TEDC1: variants seen among roughly 807,000 people sequenced by gnomAD.
TEDC1 encodes the protein tubulin epsilon and delta complex protein 1.
In TEDC1, 54 loss-of-function variants were observed where a neutral mutation model predicts 59.9. The ratio of observed to expected loss-of-function variants is 0.90; its 90% CI spans 0.72 to 1.13. TEDC1 has a LOEUF of 1.13. TEDC1 is among the 50% of genes most tolerant of loss of function. The pLI, the probability that TEDC1 is intolerant of heterozygous loss-of-function variation, is 0.00. For synonymous variants in TEDC1, 353 were observed against 298.1 expected, an observed-to-expected ratio of 1.18 and a Z score of -1.90; for missense variants, 734 against 683.4, an observed-to-expected ratio of 1.07 and a Z score of -0.83.
upstream of TEDC1, chr14:105,491,222 C>T: frequency 6.5e-7 from 1 of 1,542,340 alleles, no homozygotes; most frequent in Middle Eastern, 1.7e-4. Flanking sequence ...GGCGCTGGAC[C>T]CGGCCCGTGC....
chr14:105,493,645 G>A (rs1291489573), intron 4 of TEDC1, among the ~76,000 whole-genome samples, 190 bp from the exon 5 acceptor site: 3 of 152,156 alleles, frequency 2.0e-5, no homozygotes. Context: ...GGAGACCCCA[G>A]CGGTGCTGAT....
Position 105,498,546 on chromosome 14 carries a change from C to T in TEDC1, c.1159-71C>T, listed in dbSNP as rs1470183766. On this transcript the variant is annotated intron_variant, in intron 8 of 8. Coordinates refer to ENST00000392523, the MANE Select transcript of TEDC1 (RefSeq NM_001367178.1). ...CAGCGCCTGCACCTGAGTCTGGGCT[C>T]AGGGAATGCTCAGGGAGCCTGAGGC... 5 of 1,443,168 alleles carry T rather than the reference C, an allele frequency of 3.5e-6. No individual in the cohort carries two copies. The East Asian group carries it at 1.3e-4, about 36-fold the overall frequency. 89.4% of individuals were successfully genotyped at this position (1,443,168 alleles called of 1,614,324 possible). A position where few individuals can be genotyped will look rare whatever the true frequency, so the allele number is the denominator to read the frequency against.
chr14:105,492,027 C>T (rs900142459), intron 2 of TEDC1, 80 bp from the exon 3 acceptor site: 2 of 1,407,688 alleles, frequency 1.4e-6, no homozygotes, highest in African/African-American at 2.8e-5. Context: ...CTCAAGTGAC[C>T]TGTGGGGGTC....
rs2084337954 is a variant in TEDC1, at chr14:105,496,057, G to C, written c.862G>C (p.Ala288Pro). The C allele has an allele frequency of 6.5e-7, 1 of 1,533,466 alleles. No individual in the cohort carries two copies. Among genetic ancestry groups the C allele is most frequent in the South Asian group, 1.2e-5 (1 of 83,828 alleles). The allele number at this position is 1,533,466 out of a possible 1,614,324, so 95.0% of individuals were successfully genotyped here. The change falls in exon 6 of 9, where the codon GCC becomes CCC. Residue 288 changes from alanine to proline, a missense_variant. By Grantham distance (27) the Ala-to-Pro change is conservative. Coordinates refer to ENST00000392523, the MANE Select transcript of TEDC1 (RefSeq NM_001367178.1). The part of the protein sequence containing the change: ...AAPLDPGGAS[A>P]CSLLSPFRAL... Reference sequence around the variant, plus strand: ...ACCCTTGGATCCTGGTGGGGCCTCAGCCTGCAGCCTGCTCTCCCCTTTTAG... The same window carrying C: ...ACCCTTGGATCCTGGTGGGGCCTCACCCTGCAGCCTGCTCTCCCCTTTTAG...
At chr14:105,493,189 A>G (rs897597348) in intron 4 of TEDC1, among the ~76,000 whole-genome samples, 43 of 152,014 alleles carry the variant, frequency 2.8e-4, no homozygotes, top group Admixed American at 2.3e-3. Flanking sequence ...TCAGGGGCAC[A>G]GGTACCCAGT....
chr14:105,493,217 G>A (rs1352976403), intron 4 of TEDC1, among the ~76,000 whole-genome samples: 7 of 152,110 alleles, frequency 4.6e-5, no homozygotes, highest in South Asian at 2.1e-4. Context: ...CCACTGTGAG[G>A]CCAGCGCTGA....
intron 6 of TEDC1, 41 bp downstream of exon 6, chr14:105,496,127 C>CT: frequency 3.6e-5 from 1 of 27,424 alleles, no homozygotes; most frequent in East Asian, 7.5e-4. Context: ...GACCGCAGGA[C>CT]TTGGGGGTGG....
chr14:105,491,822 G>T lies in TEDC1; in HGVS notation c.226+122G>T, dbSNP rs1217465617. 12 of 1,123,212 alleles carry T rather than the reference G, an allele frequency of 1.1e-5. No homozygotes were observed. The Admixed American group carries it at 2.1e-4, about 19-fold the overall frequency. 69.6% of individuals were successfully genotyped at this position (1,123,212 alleles called of 1,614,324 possible). ...CTAGCCCCCACCCAACACTGACCCC[G>T]CTTGCTCCTCAAAACTCCGCCTTCC... On this transcript the variant is annotated intron_variant, in intron 2 of 8. Transcript: ENST00000392523.
At position 105,491,468 on chromosome 14, in the gene TEDC1, C is replaced by T; in HGVS notation, c.93C>T (p.Pro31=). The T allele has an allele frequency of 6.8e-7, 1 of 1,476,378 alleles. No homozygotes were observed. The highest frequency in any genetic ancestry group is 9.0e-7 in the Non-Finnish European group (1 of 1,115,384). The allele number at this position is 1,476,378 out of a possible 1,614,324, so 91.5% of individuals were successfully genotyped here. Residue 31 remains proline (P), a synonymous_variant, in exon 1 of 9, where the codon CCC becomes CCT. Transcript: ENST00000392523. The part of the protein sequence containing the change: ...EAIAALSRSL[P]SGPSPEIFRR... The stretch of plus-strand genomic sequence containing the variant: ...TCGCCGCGTTGAGTCGGTCGCTGCC[C>T]TCGGGACCCAGCCCCGAGATCTTCC...
chr14:105,499,045 T>A lies in TEDC1; in HGVS notation c.*99T>A. Reference sequence around the variant, plus strand: ...CAAGGCCAGGTGGCCGCAGGGACGATGCAGATGCAGAGCCCACGTCACATG... The same window carrying A: ...CAAGGCCAGGTGGCCGCAGGGACGAAGCAGATGCAGAGCCCACGTCACATG... On this transcript the variant is annotated 3_prime_UTR_variant, in exon 9 of 9. Transcript: ENST00000392523. 1 of 1,277,066 alleles carries A rather than the reference T, an allele frequency of 7.8e-7. No homozygotes were observed. The highest frequency in any genetic ancestry group is 1.1e-6 in the Non-Finnish European group (1 of 943,122). 79.1% of individuals were successfully genotyped at this position (1,277,066 alleles called of 1,614,324 possible).
At chr14:105,495,655 C>T in intron 5 of TEDC1, 1 of 556,944 alleles carries the variant, frequency 1.8e-6, no homozygotes, top group Non-Finnish European at 3.2e-6. Flanking sequence ...TCCCTACCTG[C>T]CTTGTAGAGG....
upstream of TEDC1, chr14:105,490,084 C>G (rs1159274225): frequency 2.0e-5 from 3 of 151,134 alleles, no homozygotes; most frequent in African/African-American, 7.3e-5. Flanking sequence ...TGAAGGAGAT[C>G]GCGATGCGCC....
In TEDC1 at chr14:105,492,568, C is replaced by A; in HGVS notation, c.430-11C>A. On this transcript the variant is annotated splice_polypyrimidine_tract_variant and intron_variant, in intron 3 of 8. Coordinates refer to ENST00000392523, the MANE Select transcript of TEDC1 (RefSeq NM_001367178.1). ...GGGTGGGAGCAGGGCCTGACCCTTGCCCCTCTCCAGTGTGAGGCCCTGGCC... is the reference window on the plus strand; with the variant it reads ...GGGTGGGAGCAGGGCCTGACCCTTGACCCTCTCCAGTGTGAGGCCCTGGCC... 1 of 1,536,512 alleles carries A rather than the reference C, an allele frequency of 6.5e-7. No individual in the cohort carries two copies. The highest frequency in any genetic ancestry group is 8.7e-7 in the Non-Finnish European group (1 of 1,146,372).
chr14:105,497,738 TGCCCTCTG>T, intron 7 of TEDC1, 52 bp from the exon 8 acceptor site: 1 of 1,469,144 alleles, frequency 6.8e-7, no homozygotes, highest in South Asian at 1.4e-5. Context: ...CTGCCCTCTT[TGCCCTCTG>T]TCCCTCTGTC....
intron 4 of TEDC1, 140 bp downstream of exon 4, chr14:105,492,874 A>G (rs2084248619): frequency 8.1e-7 from 1 of 1,236,528 alleles, no homozygotes; most frequent in Non-Finnish European, 1.1e-6. Context: ...GCTTACCCAA[A>G]GCCTGAGCCC....
intron 5 of TEDC1, chr14:105,495,266 C>T (rs910509719): frequency 1.3e-5 from 2 of 155,830 alleles, no homozygotes; most frequent in Non-Finnish European, 2.8e-5. Flanking sequence ...CTGGTGTGAC[C>T]TCTTCTTCCA....
rs1555439987 is a variant in TEDC1 at position 105,493,881 on chromosome 14, ATCTG to A, written c.639_642del (p.Val214LeufsTer147). The A allele has an allele frequency of 1.3e-6, 2 of 1,583,876 alleles. No homozygotes were observed. The highest frequency in any genetic ancestry group is 2.3e-5 in the East Asian group (1 of 43,612). On this transcript the variant is annotated frameshift_variant, in exon 5 of 9. Coordinates refer to ENST00000392523, the MANE Select transcript of TEDC1 (RefSeq NM_001367178.1). LOFTEE classifies it high-confidence loss of function. ...TGCCACAGCGACCAGAGCCTTAGCC[ATCTG>A]TCTGTCACTGAAGCAGAGATGCTCA...
chr14:105,495,018 C>T (rs113837505), intron 5 of TEDC1: 4,356 of 152,386 alleles, frequency 0.029, 174 homozygotes, highest in East Asian at 0.089. Flanking sequence ...CTACAGGCAC[C>T]TGTCACCACG....
chr14:105,493,278 A>G (rs1219971772), intron 4 of TEDC1, among the ~76,000 whole-genome samples: 2 of 151,986 alleles, frequency 1.3e-5, no homozygotes, highest in Admixed American at 1.3e-4. Context: ...GACTCCTTGG[A>G]GACCCCCCCA....
Sources: allele counts gnomAD v4.1 joint callset (sites outside exome capture counted in the v4.1 genomes callset), GRCh38; gene constraint gnomAD v4.1.1; transcripts MANE v1.5; gene names NCBI Gene and HGNC (gene_info 2026-07-23, HGNC 2026-07-21).